RIMBP2: variants seen among roughly 807,000 people sequenced by gnomAD.
RIMBP2 encodes the protein RIMS-binding protein 2.
Under a neutral mutation model 118.6 loss-of-function variants are expected in RIMBP2, and 48 were observed. That is an observed-to-expected ratio of 0.40 (90% CI 0.32 to 0.51). The LOEUF is 0.51. Ranked by LOEUF, RIMBP2 falls within the 20% of genes least tolerant of loss-of-function variation. The pLI, the probability that RIMBP2 is intolerant of heterozygous loss-of-function variation, is 0.41. For missense variants in RIMBP2, 1,551 were observed against 1,768.3 expected, an observed-to-expected ratio of 0.88 and a Z score of 2.20; for synonymous variants, 762 against 742.9, an observed-to-expected ratio of 1.03 and a Z score of -0.42.
rs116587115 is a variant in RIMBP2, at chr12:130,529,796, G to C, written c.-216-11879C>G. 1.2e-3 allele frequency among the ~76,000 whole-genome samples: 177 copies of C among 152,206 alleles called. 1 individual carries two copies. The highest frequency in any genetic ancestry group is 4.0e-3 in the African/African-American group (168 of 41,526). On this transcript the variant is annotated intron_variant, in intron 2 of 22. Coordinates refer to ENST00000690449, the MANE Select transcript of RIMBP2 (RefSeq NM_001393629.1). The stretch of plus-strand genomic sequence containing the variant: ...GTTTTGGGATGAAACTTCTATCTCA[G>C]ATCATCAGGCATTAGGTTCTCATAA...
At chr12:130,613,646 T>C (rs2060704402) in intron 2 of RIMBP2, among the ~76,000 whole-genome samples, 1 of 151,970 alleles carries the variant, frequency 6.6e-6, no homozygotes, top group East Asian at 1.9e-4. Context: ...AAACCCCATC[T>C]CTACTACAAA....
chr12:130,500,497 T>C (rs550726516), intron 4 of RIMBP2, among the ~76,000 whole-genome samples: 5 of 152,122 alleles, frequency 3.3e-5, no homozygotes, highest in African/African-American at 1.2e-4. Context: ...AAATAAGCCA[T>C]GTGTTGCTGT....
At chr12:130,497,488 C>T (rs796878569) in intron 4 of RIMBP2, among the ~76,000 whole-genome samples, 18 of 152,296 alleles carry the variant, frequency 1.2e-4, no homozygotes, top group African/African-American at 4.1e-4. Flanking sequence ...CTACCGCATC[C>T]GACGAACAGA....
At chr12:130,566,122 TCA>T (rs1414007923) in intron 2 of RIMBP2, among the ~76,000 whole-genome samples, 1 of 152,138 alleles carries the variant, frequency 6.6e-6, no homozygotes, top group African/African-American at 2.4e-5. Context: ...TTCATTTTGC[TCA>T]GTCTGCATAG....
intron 2 of RIMBP2, among the ~76,000 whole-genome samples, chr12:130,624,043 T>C (rs2061478102): frequency 6.6e-6 from 1 of 152,224 alleles, no homozygotes; most frequent in African/African-American, 2.4e-5. Context: ...TATCTTGGGC[T>C]TGCTCTAGGA....
chr12:130,536,203 CAGAT>C (rs1414198523), intron 2 of RIMBP2, among the ~76,000 whole-genome samples: 1 of 152,044 alleles, frequency 6.6e-6, no homozygotes, highest in Admixed American at 6.6e-5. Context: ...GAAACAGAGA[CAGAT>C]AGGCAGGCGG....
At chr12:130,435,257 T>TGGTCTCAAACTCCTGAGCTCA (rs1301174062) in intron 13 of RIMBP2, among the ~76,000 whole-genome samples, 2 of 152,094 alleles carry the variant, frequency 1.3e-5, no homozygotes, top group African/African-American at 4.8e-5. Flanking sequence ...TTGGTCAGGC[T>TGGTCTCAAACTCCTGAGCTCA]GGTCTCAAAC....
intron 12 of RIMBP2, 30 bp downstream of exon 12, chr12:130,438,335 A>ACCCACCCC: frequency 5.8e-6 from 5 of 865,008 alleles, no homozygotes; most frequent in Non-Finnish European, 9.6e-6. Context: ...GGCCTAACAA[A>ACCCACCCC]CCCTCCCCAC....
At chr12:130,582,412 G>T (rs1169286520) in intron 2 of RIMBP2, among the ~76,000 whole-genome samples, 1 of 152,198 alleles carries the variant, frequency 6.6e-6, no homozygotes, top group Admixed American at 6.5e-5. Flanking sequence ...ACAGCCCAGA[G>T]GTGGCAGAGG....
At position 130,475,923 on chromosome 12, in the gene RIMBP2, G is replaced by C. The variant is rs2081386956; in HGVS notation, c.102+2989C>G. Among the ~76,000 whole-genome samples, 1 of 152,058 alleles carries C rather than the reference G, an allele frequency of 6.6e-6. No individual in the cohort carries two copies. The highest frequency in any genetic ancestry group is 2.4e-5 in the African/African-American group (1 of 41,414). ...CCCAAGCAGTGGTGTCAAGCAGAGGGTGAGTAAAGGAATTGGGGCACAGTG... is the reference window on the plus strand; with the variant it reads ...CCCAAGCAGTGGTGTCAAGCAGAGGCTGAGTAAAGGAATTGGGGCACAGTG... On this transcript the variant is annotated intron_variant, in intron 5 of 22. Transcript: ENST00000690449. The surrounding 1 kb of genome is among the most constrained non-coding windows in gnomAD (Gnocchi z 4.1).
intron 10 of RIMBP2, among the ~76,000 whole-genome samples, chr12:130,443,652 C>T (rs545635585): frequency 3.9e-5 from 6 of 152,264 alleles, no homozygotes; most frequent in African/African-American, 1.4e-4. Context: ...ACTTGGATTC[C>T]GTTCCAAACC....
chr12:130,418,754 G>A (rs1409860610), intron 17 of RIMBP2, among the ~76,000 whole-genome samples: 2 of 152,152 alleles, frequency 1.3e-5, no homozygotes, highest in Non-Finnish European at 2.9e-5. Context: ...TATAGCCTAC[G>A]TAAGAGTGCA....
At position 130,563,265 on chromosome 12, in the gene RIMBP2, A is replaced by C. The variant is rs191187549; in HGVS notation, c.-216-45348T>G. 3.1e-3 allele frequency among the ~76,000 whole-genome samples: 475 copies of C among 152,330 alleles called. 1 individual carries two copies. The highest frequency in any genetic ancestry group is 0.011 in the African/African-American group (437 of 41,572). ...AAATAAATGAATTACCAGACACTTG[A>C]AACGCGTTCTTACGCCCTGCCAAGC... is the stretch of plus-strand genomic sequence containing the variant. On this transcript the variant is annotated intron_variant, in intron 2 of 22. Coordinates refer to ENST00000690449, the MANE Select transcript of RIMBP2 (RefSeq NM_001393629.1).
intron 4 of RIMBP2, among the ~76,000 whole-genome samples, chr12:130,486,385 T>A (rs539751513): frequency 5.8e-4 from 88 of 152,264 alleles, no homozygotes; most frequent in African/African-American, 2.1e-3. Context: ...GCTCTATTTA[T>A]ACCATTCCTT....
intron 2 of RIMBP2, among the ~76,000 whole-genome samples, chr12:130,597,416 GTA>G (rs776127771): frequency 3.3e-5 from 5 of 152,108 alleles, no homozygotes; most frequent in Non-Finnish European, 5.9e-5. Flanking sequence ...GCTAATTTTT[GTA>G]TTTTTAGTAG....
rs1236084074 is a variant in RIMBP2 at position 130,396,721 on chromosome 12, T to TTGAA, written c.*636_*639dup. On this transcript the variant is annotated 3_prime_UTR_variant, in exon 23 of 23. Transcript: ENST00000690449. Reference sequence around the variant, plus strand: ...GTTACTTTCTCTCCTTTTCTCTTTTTTGAATGATTGAGTAAACATTTTCTG... The same window carrying TTGAA: ...GTTACTTTCTCTCCTTTTCTCTTTTTTGAATGAATGATTGAGTAAACATTTTCTG... The TTGAA allele has an allele frequency of 6.6e-6, 1 of 152,658 alleles. No homozygotes were observed. Among genetic ancestry groups the TTGAA allele is most frequent in the Admixed American group, 6.5e-5 (1 of 15,284 alleles). 9.5% of individuals were successfully genotyped at this position (152,658 alleles called of 1,614,324 possible).
intron 1 of RIMBP2, among the ~76,000 whole-genome samples, chr12:130,695,538 T>C (rs1444647113): frequency 6.6e-6 from 1 of 152,088 alleles, no homozygotes; most frequent in African/African-American, 2.4e-5. Context: ...GTCCAGGAGT[T>C]GAAGACCAAC....
intron 2 of RIMBP2, among the ~76,000 whole-genome samples, chr12:130,586,420 C>T (rs572015282): frequency 5.9e-5 from 9 of 152,106 alleles, no homozygotes; most frequent in African/African-American, 1.2e-4. Context: ...CCACAGCACT[C>T]GAGCCTGGGC....
intron 12 of RIMBP2, 30 bp downstream of exon 12, chr12:130,438,335 A>ACCGGGGGGGG: frequency 2.3e-6 from 2 of 865,014 alleles, no homozygotes; most frequent in Non-Finnish European, 3.8e-6. Flanking sequence ...GGCCTAACAA[A>ACCGGGGGGGG]CCCTCCCCAC....
Sources: gnomAD v4.1 joint callset for allele counts (sites outside exome capture counted in the v4.1 genomes callset) on GRCh38, gnomAD v4.1.1 for gene constraint, Gnocchi (gnomAD v3.1) non-coding constraint, MANE v1.5 for transcripts, NCBI Gene and HGNC (gene_info 2026-07-23, HGNC 2026-07-21) for gene names.